The following RELN variants were observed in gnomAD, a reference collection of about 807,000 sequenced individuals.
The protein encoded by RELN is reelin.
RELN carries 108 observed loss-of-function variants against 427.6 expected under a neutral mutation model. That is an observed-to-expected ratio of 0.25 (90% CI 0.22 to 0.30). RELN has a LOEUF of 0.30. RELN is among the 10% of genes least tolerant of loss of function. RELN has a pLI of 1.00. For missense variants in RELN, 3,715 were observed against 4,302.8 expected, an observed-to-expected ratio of 0.86 and a Z score of 3.82; for synonymous variants, 1,524 against 1,513.4, an observed-to-expected ratio of 1.01 and a Z score of -0.16.
intron 61 of RELN, among the ~76,000 whole-genome samples, chr7:103,485,810 T>C (rs527781297): frequency 5.2e-4 from 79 of 152,340 alleles, no homozygotes; most frequent in Non-Finnish European, 8.4e-4. Context: ...AAGCTAAATA[T>C]AGGCATATGT....
intron 10 of RELN, among the ~76,000 whole-genome samples, chr7:103,696,344 T>G (rs1833975866): frequency 6.6e-6 from 1 of 152,156 alleles, no homozygotes; most frequent in Non-Finnish European, 1.5e-5. Context: ...GCCCATGATT[T>G]GAATCCCCAC....
chr7:103,772,915 G>A (rs1434240700), intron 4 of RELN, among the ~76,000 whole-genome samples: 2 of 152,130 alleles, frequency 1.3e-5, no homozygotes, highest in Non-Finnish European at 1.5e-5. Flanking sequence ...TTTTAAGCAG[G>A]CAAATGAAAG....
chr7:103,507,655 T>C (rs1010484418), intron 51 of RELN, among the ~76,000 whole-genome samples: 21 of 152,232 alleles, frequency 1.4e-4, no homozygotes, highest in Admixed American at 3.9e-4. Flanking sequence ...ATTCAAAAGC[T>C]AGCAGAAGAC....
intron 2 of RELN, among the ~76,000 whole-genome samples, chr7:103,877,891 C>G (rs1050356589): frequency 3.0e-5 from 4 of 132,628 alleles, no homozygotes; most frequent in African/African-American, 1.1e-4. Flanking sequence ...GGGTCTTGCT[C>G]TGTACCCTGG....
At chr7:103,664,746 G>A (rs540217665) in intron 11 of RELN, among the ~76,000 whole-genome samples, 1 of 152,214 alleles carries the variant, frequency 6.6e-6, no homozygotes, top group South Asian at 2.1e-4. Context: ...ATATTTTCAT[G>A]TTTATTGGCC....
chr7:103,726,750 A>G (rs528255561), intron 7 of RELN, among the ~76,000 whole-genome samples: 9 of 152,250 alleles, frequency 5.9e-5, no homozygotes, highest in Admixed American at 2.0e-4. Flanking sequence ...AATTAACTAC[A>G]GTAAAAAAAT....
At chr7:103,667,892 C>T (rs532006971) in intron 11 of RELN, among the ~76,000 whole-genome samples, 1 of 152,268 alleles carries the variant, frequency 6.6e-6, no homozygotes, top group African/African-American at 2.4e-5. Context: ...TATAATATCA[C>T]ACATTTGGCA....
At chr7:103,829,929 G>T (rs1189535646) in intron 3 of RELN, among the ~76,000 whole-genome samples, 1 of 152,022 alleles carries the variant, frequency 6.6e-6, no homozygotes, top group African/African-American at 2.4e-5. Flanking sequence ...GTATTAAAAT[G>T]AGATTACAGA....
chr7:103,608,637 A>C (rs916069680), intron 22 of RELN, among the ~76,000 whole-genome samples: 1 of 152,184 alleles, frequency 6.6e-6, no homozygotes, highest in Admixed American at 6.5e-5. Context: ...TCCAATAAGC[A>C]CAACTACTAC....
intron 22 of RELN, among the ~76,000 whole-genome samples, chr7:103,607,450 C>A (rs1307200080): frequency 1.3e-5 from 2 of 152,280 alleles, no homozygotes; most frequent in South Asian, 2.1e-4. Flanking sequence ...TCCCTCAATA[C>A]AAATATTTAA....
chr7:103,786,616 T>C (rs1314468903), intron 3 of RELN, among the ~76,000 whole-genome samples: 1 of 149,128 alleles, frequency 6.7e-6, no homozygotes, highest in Admixed American at 6.7e-5. Flanking sequence ...GGGCATTACA[T>C]AATAGTAAAG....
rs1290474648 is a variant in RELN at position 103,611,725 on chromosome 7, C to T, written c.2781G>A (p.Met927Ile). 6.2e-7 allele frequency: 1 copy of T among 1,613,784 alleles called. No individual in the cohort carries two copies. Among genetic ancestry groups the T allele is most frequent in the Non-Finnish European group, 8.5e-7 (1 of 1,179,912 alleles). Residue 927 changes from methionine (M) to isoleucine (I), a missense_variant, in exon 21 of 65, where the codon ATG becomes ATA. Around this residue, in one of 4 missense-constraint regions of RELN, gnomAD observed 2,208 missense variants for 2,361.7 expected, o/e 0.93. Transcript: ENST00000428762. ...ATCCCATCACCAAACTGAACTGAATCATATAGGATGCTCCTATCTGCATTG... is the reference window on the plus strand; with the variant it reads ...ATCCCATCACCAAACTGAACTGAATTATATAGGATGCTCCTATCTGCATTG... Reference protein sequence around the residue: ...TQSMQIGASYMIQFSLVMGCG... With the variant: ...TQSMQIGASYIIQFSLVMGCG...
chr7:103,643,090 T>G (rs758532826), intron 16 of RELN, among the ~76,000 whole-genome samples: 8 of 152,106 alleles, frequency 5.3e-5, no homozygotes, highest in Non-Finnish European at 1.2e-4. Context: ...CTAAAGTTTT[T>G]CTCCAGTTTC....
At chr7:103,650,551 CAT>C (rs1354462192) in intron 15 of RELN, among the ~76,000 whole-genome samples, 168 bp from the exon 16 acceptor site, 2 of 152,088 alleles carry the variant, frequency 1.3e-5, no homozygotes, top group Non-Finnish European at 2.9e-5. Context: ...TTAAAACAGA[CAT>C]ACAATTTGTA....
chr7:103,696,687 C>T (rs551165645), intron 10 of RELN, among the ~76,000 whole-genome samples: 1 of 152,194 alleles, frequency 6.6e-6, no homozygotes, highest in African/African-American at 2.4e-5. Context: ...CCAATATGAT[C>T]TCTCACTCCT....
intron 1 of RELN, among the ~76,000 whole-genome samples, chr7:103,977,930 C>T (rs574286671): frequency 3.3e-5 from 5 of 152,234 alleles, no homozygotes; most frequent in East Asian, 3.9e-4. Flanking sequence ...GGTTTAGAGA[C>T]GAATACCATA....
rs1827884102 is a variant in RELN at position 103,472,304 on chromosome 7, C to G, written c.*508G>C. 1 of 162,118 alleles carries G rather than the reference C, an allele frequency of 6.2e-6. No homozygotes were observed. Among genetic ancestry groups the G allele is most frequent in the African/African-American group, 2.4e-5 (1 of 41,420 alleles). 10.0% of individuals were successfully genotyped at this position (162,118 alleles called of 1,614,324 possible). On this transcript the variant is annotated 3_prime_UTR_variant, in exon 65 of 65. Transcript: ENST00000428762. ...ATATAAGTAGCCCCAAATTCAGCAG[C>G]AAAATATTACAACATAACAAGTAAA... is the stretch of plus-strand genomic sequence containing the variant.
chr7:103,805,340 T>C (rs1792572198), intron 3 of RELN, among the ~76,000 whole-genome samples: 1 of 152,220 alleles, frequency 6.6e-6, no homozygotes, highest in Non-Finnish European at 1.5e-5. Context: ...AAAGTCTTTC[T>C]AACCAACTTT....
At chr7:103,911,354 A>G (rs900189293) in intron 2 of RELN, among the ~76,000 whole-genome samples, 2 of 149,728 alleles carry the variant, frequency 1.3e-5, no homozygotes, top group African/African-American at 5.0e-5. Context: ...TCAGGAAACA[A>G]CAGGTGCTGG....
Sources: gnomAD v4.1 joint callset for allele counts (sites outside exome capture counted in the v4.1 genomes callset) on GRCh38, gnomAD v4.1.1 for gene constraint, gnomAD v4.1.1 regional missense constraint, MANE v1.5 for transcripts, NCBI Gene and HGNC (gene_info 2026-07-23, HGNC 2026-07-21) for gene names.